Variants in ZNF600 observed in about 807,000 individuals in gnomAD.
ZNF600 encodes zinc finger protein KR-ZNF1.
A neutral mutation model predicts 7.3 loss-of-function variants in ZNF600; 4 were observed. The observed-to-expected ratio is 0.55, with a 90% CI of 0.27 to 1.25. ZNF600 has a LOEUF of 1.25. Among genes scored for constraint, ZNF600 ranks in the 50% most tolerant of loss-of-function variants. The pLI, the probability that ZNF600 is intolerant of heterozygous loss-of-function variation, is 0.12. For missense variants in ZNF600, 911 were observed against 922.1 expected (o/e 0.99, Z 0.16); for synonymous variants, 290 against 308.9 (o/e 0.94, Z 0.64).
the ZNF600 span, among the ~76,000 whole-genome samples, chr19:52,822,433 T>A: frequency 6.6e-6 from 1 of 152,064 alleles, no homozygotes; most frequent in Non-Finnish European, 1.5e-5. Flanking sequence ...AACTAAAAAA[T>A]CTTCCCCGAA....
At chr19:52,789,496 C>T (rs1418702156), upstream of ZNF600, among the ~76,000 whole-genome samples, 2 of 152,156 alleles carry the variant, frequency 1.3e-5, no homozygotes, top group Admixed American at 1.3e-4. Flanking sequence ...GTGTCTCGTT[C>T]CACCTGACGA....
At chr19:52,766,363 T>C in exon 4 of ZNF600, 1 of 1,613,836 alleles carries the variant, frequency 6.2e-7, no homozygotes, top group Non-Finnish European at 8.5e-7. Context: ...TTCTCTCCGG[T>C]GTGAATTATC....
chr19:52,787,311 C>G (rs143760011), upstream of ZNF600, among the ~76,000 whole-genome samples: 4,675 of 152,206 alleles, frequency 0.031, 111 homozygotes, highest in Non-Finnish European at 0.04. Context: ...CGGGAGAATC[C>G]CTGAACCTGG....
intron 3 of ZNF600, among the ~76,000 whole-genome samples, chr19:52,773,107 G>T (rs556834314): frequency 3.9e-5 from 6 of 152,206 alleles, no homozygotes; most frequent in Admixed American, 2.6e-4. Flanking sequence ...TTTGCATCCA[G>T]ATCAATGTAT....
chr19:52,828,884 G>A, the ZNF600 span, among the ~76,000 whole-genome samples: 3 of 151,878 alleles, frequency 2.0e-5, no homozygotes, highest in African/African-American at 7.3e-5. Context: ...TTTTTGAGAC[G>A]GGGTCTCCCC....
At chr19:52,810,805 T>G in the ZNF600 span, 3 of 396,862 alleles carry the variant, frequency 7.6e-6, no homozygotes, top group South Asian at 1.1e-4. Context: ...ATGACCTTGA[T>G]GGAAAAAAAT....
chr19:52,824,650 C>G, the ZNF600 span, among the ~76,000 whole-genome samples: 1 of 151,956 alleles, frequency 6.6e-6, no homozygotes, highest in African/African-American at 2.4e-5. Context: ...AAAGAAATAA[C>G]TAACTTTAAA....
At chr19:52,817,481 A>C in the ZNF600 span, among the ~76,000 whole-genome samples, 5 of 152,200 alleles carry the variant, frequency 3.3e-5, no homozygotes, top group African/African-American at 7.2e-5. Flanking sequence ...GAACTCACTC[A>C]ATTACCTAAA....
the ZNF600 span, among the ~76,000 whole-genome samples, chr19:52,815,783 C>T: frequency 4.8e-5 from 7 of 146,272 alleles, 1 homozygote; most frequent in African/African-American, 1.9e-4. Flanking sequence ...CGAGATTGCA[C>T]CACTGCACTC....
chr19:52,832,068 T>G, the ZNF600 span, among the ~76,000 whole-genome samples: 4 of 107,698 alleles, frequency 3.7e-5, no homozygotes. Context: ...CACGTATTCA[T>G]GCACACACAT....
At chr19:52,806,981 T>C in the ZNF600 span, among the ~76,000 whole-genome samples, 1 of 152,128 alleles carries the variant, frequency 6.6e-6, no homozygotes, top group Non-Finnish European at 1.5e-5. Context: ...TTCAGAGATG[T>C]GAGGATTTAA....
chr19:52,802,356 A>G, the ZNF600 span, among the ~76,000 whole-genome samples: 1 of 147,150 alleles, frequency 6.8e-6, no homozygotes, highest in African/African-American at 2.5e-5. Context: ...TGACAAAATG[A>G]GCCTCCATCT....
chr19:52,779,588 T>C (rs2062704232), intron 1 of ZNF600, among the ~76,000 whole-genome samples: 1 of 152,030 alleles, frequency 6.6e-6, no homozygotes, highest in African/African-American at 2.4e-5. Flanking sequence ...TGATGGGCTG[T>C]GTGAAAGGAA....
intron 3 of ZNF600, among the ~76,000 whole-genome samples, chr19:52,768,524 G>A (rs1258222814): frequency 5.9e-5 from 9 of 151,684 alleles, no homozygotes; most frequent in Admixed American, 5.3e-4. Flanking sequence ...ACACAGGACA[G>A]GCACTTAATG....
At chr19:52,800,721 C>T in the ZNF600 span, 1 of 1,613,008 alleles carries the variant, frequency 6.2e-7, no homozygotes. Context: ...AGTATGAAGC[C>T]TACGATGGCG....
chr19:52,817,437 C>G, the ZNF600 span, among the ~76,000 whole-genome samples: 1 of 152,106 alleles, frequency 6.6e-6, no homozygotes, highest in East Asian at 1.9e-4. Context: ...ACATTCCATT[C>G]TAATTAGTAA....
chr19:52,773,744 T>C (rs1220766929), intron 3 of ZNF600, among the ~76,000 whole-genome samples: 3 of 152,072 alleles, frequency 2.0e-5, no homozygotes, highest in African/African-American at 4.8e-5. Flanking sequence ...TGGTGGTGCA[T>C]GTCTGTAATC....
At chr19:52,764,499 A>ACCAT (rs1404860410), downstream of ZNF600, 5 of 148,418 alleles carry the variant, frequency 3.4e-5, no homozygotes, top group African/African-American at 1.2e-4. Context: ...GGGATGAGCC[A>ACCAT]CCATCCAGCT....
At chr19:52,814,595 G>GAA in the ZNF600 span, among the ~76,000 whole-genome samples, 40 of 136,826 alleles carry the variant, frequency 2.9e-4, 3 homozygotes, top group African/African-American at 1.0e-3. Flanking sequence ...GTCTCAAAAA[G>GAA]AAAAAAAAAA....
Sources: allele counts gnomAD v4.1 joint callset (sites outside exome capture counted in the v4.1 genomes callset), GRCh38; gene constraint gnomAD v4.1.1; transcripts MANE v1.5; gene names NCBI Gene and HGNC (gene_info 2026-07-23, HGNC 2026-07-21).